ST8SIA5: variants seen among roughly 807,000 people sequenced by gnomAD.
The protein encoded by ST8SIA5 is alpha-2,8-sialyltransferase 8E.
In ST8SIA5, 24 loss-of-function variants were observed where a neutral mutation model predicts 40.2. The observed-to-expected ratio is 0.60, with a 90% CI of 0.43 to 0.84. The LOEUF is 0.84. ST8SIA5 is among the 40% of genes least tolerant of loss of function. ST8SIA5 has a pLI of 0.00. For synonymous variants in ST8SIA5, 198 were observed against 201.8 expected (o/e 0.98, Z 0.16); for missense variants, 465 against 498.5 (o/e 0.93, Z 0.64).
chr18:46,706,896 G>A (rs2039675247), intron 1 of ST8SIA5, among the ~76,000 whole-genome samples: 1 of 152,150 alleles, frequency 6.6e-6, no homozygotes, highest in African/African-American at 2.4e-5. Flanking sequence ...TTTCACGGTG[G>A]CCCCATTTCA....
chr18:46,751,995 G>C (rs1028394811), intron 1 of ST8SIA5, among the ~76,000 whole-genome samples: 1 of 152,096 alleles, frequency 6.6e-6, no homozygotes, highest in African/African-American at 2.4e-5. Context: ...TCCCAGACAC[G>C]CCATCCTCAC....
chr18:46,704,178 A>G (rs574158536), intron 2 of ST8SIA5, among the ~76,000 whole-genome samples: 6 of 152,288 alleles, frequency 3.9e-5, no homozygotes, highest in Admixed American at 3.9e-4. Flanking sequence ...TAAAACCATC[A>G]AAGGTGATAG....
At chr18:46,740,874 G>A (rs953414797) in intron 1 of ST8SIA5, among the ~76,000 whole-genome samples, 1 of 152,118 alleles carries the variant, frequency 6.6e-6, no homozygotes, top group Non-Finnish European at 1.5e-5. Flanking sequence ...CTGGCACATC[G>A]TAAATGCAAT....
chr18:46,704,158 T>G (rs1158267090), intron 2 of ST8SIA5, among the ~76,000 whole-genome samples: 1 of 152,162 alleles, frequency 6.6e-6, no homozygotes, highest in Non-Finnish European at 1.5e-5. Flanking sequence ...ATCCAAACTT[T>G]TAATAAAATT....
At chr18:46,691,795 G>A (rs1215411497) in intron 3 of ST8SIA5, 1 of 220,098 alleles carries the variant, frequency 4.5e-6, no homozygotes, top group South Asian at 7.8e-5. Context: ...GGACAGGGGA[G>A]GTGAGGACCA....
intron 1 of ST8SIA5, among the ~76,000 whole-genome samples, chr18:46,733,095 T>A (rs1003257402): frequency 2.0e-5 from 3 of 152,168 alleles, no homozygotes; most frequent in Non-Finnish European, 2.9e-5. Context: ...TCCACGGCAC[T>A]GTTCTGTCCC....
At chr18:46,714,907 A>G (rs1287459616) in intron 1 of ST8SIA5, among the ~76,000 whole-genome samples, 1 of 152,126 alleles carries the variant, frequency 6.6e-6, no homozygotes, top group Non-Finnish European at 1.5e-5. Context: ...CAAAAGCCAT[A>G]AAGCTTTGGG....
At chr18:46,752,840 G>A (rs2040206936) in intron 1 of ST8SIA5, among the ~76,000 whole-genome samples, 1 of 152,244 alleles carries the variant, frequency 6.6e-6, no homozygotes, top group African/African-American at 2.4e-5. Context: ...CCCTGGCTCT[G>A]AAGTGGACCT....
rs141491725 is a variant in ST8SIA5, at chr18:46,680,625, A to G, written c.663-115T>C. The G allele has an allele frequency of 1.4e-3, 1,500 of 1,083,608 alleles. 19 individuals carry two copies. The African/African-American group carries it at 0.022, about 16-fold the overall frequency. The allele number at this position is 1,083,608 out of a possible 1,614,324, so 67.1% of individuals were successfully genotyped here. A position where few individuals can be genotyped will look rare whatever the true frequency, so the allele number is the denominator to read the frequency against. ...AAGGACGGAAGGGACTCATAAGGCC[A>G]CCTGCCTCCTGACACCTCACGCACC... On this transcript the variant is annotated intron_variant, in intron 6 of 6. Transcript: ENST00000315087.
At chr18:46,713,731 G>C (rs1267722431) in intron 1 of ST8SIA5, among the ~76,000 whole-genome samples, 1 of 152,158 alleles carries the variant, frequency 6.6e-6, no homozygotes, top group African/African-American at 2.4e-5. Flanking sequence ...TGGAAATGGG[G>C]GTCAAAGAAG....
At chr18:46,682,790 A>C (rs886089228) in intron 5 of ST8SIA5, among the ~76,000 whole-genome samples, 2 of 152,216 alleles carry the variant, frequency 1.3e-5, no homozygotes, top group Non-Finnish European at 2.9e-5. Context: ...GAGAGAAGAA[A>C]GTATGTGGCA....
chr18:46,726,073 A>G (rs1333155342), intron 1 of ST8SIA5, among the ~76,000 whole-genome samples: 1 of 135,998 alleles, frequency 7.4e-6, no homozygotes, highest in Non-Finnish European at 1.6e-5. Flanking sequence ...GCACACCTGT[A>G]GTCCCAGCTA....
At chr18:46,701,495 C>T (rs1380763290) in intron 2 of ST8SIA5, among the ~76,000 whole-genome samples, 2 of 151,998 alleles carry the variant, frequency 1.3e-5, no homozygotes, top group Non-Finnish European at 2.9e-5. Flanking sequence ...AGCCCTGATC[C>T]AATATGACTG....
At position 46,704,650 on chromosome 18, in the gene ST8SIA5, T is replaced by C; in HGVS notation, c.146A>G (p.Tyr49Cys). 1.2e-6 allele frequency: 2 copies of C among 1,614,062 alleles called. No homozygotes were observed. The highest frequency in any genetic ancestry group is 1.3e-5 in the African/African-American group (1 of 75,006). ...RNYIKRYFEFYEGPFEYNSTR... is the reference protein window; with the variant it reads ...RNYIKRYFEFCEGPFEYNSTR... ...GGAGTTATATTCAAAAGGCCCCTCA[T>C]AAAATTCAAAGTACCTGGGGACCAA... Residue 49 changes from tyrosine (Y) to cysteine (C), a missense_variant, in exon 2 of 7, where the codon TAT (tyrosine) becomes TGT (cysteine). Transcript: ENST00000315087.
At chr18:46,735,974 T>C (rs1434180982) in intron 1 of ST8SIA5, among the ~76,000 whole-genome samples, 1 of 152,182 alleles carries the variant, frequency 6.6e-6, no homozygotes, top group African/African-American at 2.4e-5. Context: ...GGGAAGTGGA[T>C]ACAGGTTCTC....
chr18:46,734,097 C>T (rs2040010838), intron 1 of ST8SIA5, among the ~76,000 whole-genome samples: 1 of 152,110 alleles, frequency 6.6e-6, no homozygotes, highest in Non-Finnish European at 1.5e-5. Flanking sequence ...GACCTTCCCA[C>T]CCAGATTAGA....
Position 46,756,824 on chromosome 18 carries a change from G to C in ST8SIA5, c.-316C>G, listed in dbSNP as rs2040255357. On this transcript the variant is annotated 5_prime_UTR_variant, in exon 1 of 7. Coordinates refer to ENST00000315087, the MANE Select transcript of ST8SIA5 (RefSeq NM_013305.6). ...GCCGCCGATTTCCCCGCGGAGGGGA[G>C]ACGCCAGGTGCCACGAGCCGGAGGC... 1.3e-5 allele frequency: 4 copies of C among 303,938 alleles called. No homozygotes were observed. Among genetic ancestry groups the C allele is most frequent in the Admixed American group, 5.4e-5 (1 of 18,420 alleles). The allele number at this position is 303,938 out of a possible 1,614,324, so 18.8% of individuals were successfully genotyped here.
At position 46,674,127 on chromosome 18, in the gene ST8SIA5, C is replaced by T. The variant is rs1223018794; in HGVS notation, c.*5915G>A. 3 of 152,210 alleles carry T rather than the reference C, an allele frequency of 2.0e-5. No individual in the cohort carries two copies. Among genetic ancestry groups the T allele is most frequent in the Admixed American group, 2.0e-4 (3 of 15,286 alleles). The allele number at this position is 152,210 out of a possible 1,614,324, so 9.4% of individuals were successfully genotyped here. A position where few individuals can be genotyped will look rare whatever the true frequency, so the allele number is the denominator to read the frequency against. On this transcript the variant is annotated 3_prime_UTR_variant, in exon 7 of 7. Transcript: ENST00000315087. ...TTTTTTAAACACCATTGATAAATCC[C>T]TCTTACATTGCTTCCCAGGCTGCAC... is the stretch of plus-strand genomic sequence containing the variant.
At chr18:46,710,381 TTCTTTCTTTCTTTCTTTCTTTC>T (rs1384024084) in intron 1 of ST8SIA5, among the ~76,000 whole-genome samples, 1 of 131,510 alleles carries the variant, frequency 7.6e-6, no homozygotes, top group Non-Finnish European at 1.6e-5. Context: ...CTTTCTTTCT[TTCTTTCTTTCTTTCTTTCTTTC>T]TTTCTTTCTT....
Sources: allele counts gnomAD v4.1 joint callset (sites outside exome capture counted in the v4.1 genomes callset), GRCh38; gene constraint gnomAD v4.1.1; transcripts MANE v1.5; gene names NCBI Gene and HGNC (gene_info 2026-07-23, HGNC 2026-07-21).